Variants in COL23A1 observed in about 807,000 individuals in gnomAD.
COL23A1 encodes the protein collagen alpha-1(XXIII) chain.
Under a neutral mutation model 99.3 loss-of-function variants are expected in COL23A1, and 97 were observed. The ratio of observed to expected loss-of-function variants is 0.98; its 90% CI spans 0.83 to 1.16. The LOEUF (loss-of-function observed/expected upper bound fraction) is 1.16, where lower values mean the gene tolerates loss of function less well. COL23A1 is among the 50% of genes most tolerant of loss of function. The pLI is 0.00. For missense variants in COL23A1, 762 were observed against 757.4 expected (o/e 1.01, Z -0.07); for synonymous variants, 320 against 308.2 (o/e 1.04, Z -0.40).
intron 1 of COL23A1, among the ~76,000 whole-genome samples, chr5:178,586,004 C>T (rs1306708122): frequency 6.6e-6 from 1 of 152,186 alleles, no homozygotes; most frequent in Admixed American, 6.5e-5. Flanking sequence ...AAGAAGACCG[C>T]TCTCTTCCCT....
chr5:178,293,000 G>C (rs1178190763), intron 3 of COL23A1, among the ~76,000 whole-genome samples: 1 of 152,102 alleles, frequency 6.6e-6, no homozygotes, highest in African/African-American at 2.4e-5. Flanking sequence ...CAATGCAGAG[G>C]CATGTCCAGG....
chr5:178,430,043 G>A (rs1412935619), intron 2 of COL23A1, among the ~76,000 whole-genome samples: 1 of 152,174 alleles, frequency 6.6e-6, no homozygotes, highest in Non-Finnish European at 1.5e-5. Context: ...TTCAGCCAGG[G>A]AGGTCAGCCA....
At chr5:178,357,256 A>G (rs1761707860) in intron 2 of COL23A1, among the ~76,000 whole-genome samples, 1 of 152,192 alleles carries the variant, frequency 6.6e-6, no homozygotes, top group South Asian at 2.1e-4. Context: ...GCATCCCCTC[A>G]GATGGTGACC....
At chr5:178,554,146 G>A (rs536317832) in intron 2 of COL23A1, among the ~76,000 whole-genome samples, 4 of 152,130 alleles carry the variant, frequency 2.6e-5, no homozygotes, top group East Asian at 3.9e-4. Flanking sequence ...CCTGGGCCAC[G>A]CTGCCTCTTG....
intron 2 of COL23A1, among the ~76,000 whole-genome samples, chr5:178,455,736 C>T (rs1767749970): frequency 6.6e-6 from 1 of 152,094 alleles, no homozygotes; most frequent in African/African-American, 2.4e-5. Flanking sequence ...CCACCCATCC[C>T]ACCAGGCTCC....
chr5:178,585,904 A>C (rs981754560), intron 1 of COL23A1, among the ~76,000 whole-genome samples: 85 of 152,270 alleles, frequency 5.6e-4, no homozygotes, highest in Admixed American at 5.6e-3. Context: ...GGGGATGGCG[A>C]CCCTGTGACC....
At chr5:178,262,686 G>A (rs1765700828) in intron 9 of COL23A1, among the ~76,000 whole-genome samples, 1 of 152,280 alleles carries the variant, frequency 6.6e-6, no homozygotes, top group Middle Eastern at 3.4e-3. Flanking sequence ...CTATTGGGGA[G>A]CATGAGGGGA....
intron 1 of COL23A1, among the ~76,000 whole-genome samples, chr5:178,576,199 G>C (rs563246540): frequency 8.1e-4 from 124 of 152,308 alleles, no homozygotes; most frequent in African/African-American, 2.8e-3. Flanking sequence ...GGCTGAAAAA[G>C]TCTTGCCCTG....
rs77755786 is a variant in COL23A1, at chr5:178,267,237, G to A, written c.522+70C>T. 1.5e-3 allele frequency: 2,356 copies of A among 1,524,620 alleles called. 41 individuals carry two copies. In the African/African-American group the frequency reaches 0.027, roughly 17 times the overall value. 94.4% of individuals were successfully genotyped at this position (1,524,620 alleles called of 1,614,324 possible). A position where few individuals can be genotyped will look rare whatever the true frequency, so the allele number is the denominator to read the frequency against. The stretch of plus-strand genomic sequence containing the variant: ...CGGGGAGCTGGGACCCAGAAGCAGC[G>A]CCAGTTATGCCTCATTATTACACAA... On this transcript the variant is annotated intron_variant, in intron 8 of 28. Coordinates refer to ENST00000390654, the MANE Select transcript of COL23A1 (RefSeq NM_173465.4).
intron 2 of COL23A1, among the ~76,000 whole-genome samples, chr5:178,511,868 G>A (rs535461511): frequency 6.6e-6 from 1 of 152,286 alleles, no homozygotes; most frequent in Non-Finnish European, 1.5e-5. Flanking sequence ...TAGCATCTCA[G>A]ATACCACCTA....
rs1189403629 is a variant in COL23A1 at position 178,439,856 on chromosome 5, C to T, written c.361+120826G>A. On this transcript the variant is annotated intron_variant, in intron 2 of 28. Coordinates refer to ENST00000390654, the MANE Select transcript of COL23A1 (RefSeq NM_173465.4). This position sits in a 1 kb window ranked among gnomAD's most constrained non-coding sequence, Gnocchi z 4.2. ...AGTGTAGCCAATCAATGGAATACCA[C>T]TACATGCTACAACATGGATGAGCCC... The T allele has an allele frequency of 2.0e-5, 3 of 152,216 alleles. No homozygotes were observed. The highest frequency in any genetic ancestry group is 2.9e-5 in the Non-Finnish European group (2 of 68,052). 9.4% of individuals were successfully genotyped at this position (152,216 alleles called of 1,614,324 possible).
intron 17 of COL23A1, 139 bp from the exon 18 acceptor site, chr5:178,250,244 C>A (rs943462140): frequency 2.4e-6 from 2 of 832,606 alleles, no homozygotes; most frequent in Non-Finnish European, 2.0e-6. Flanking sequence ...CAGGACCCAC[C>A]GCCTCCTCTG....
intron 2 of COL23A1, among the ~76,000 whole-genome samples, chr5:178,500,439 A>C: frequency 6.6e-6 from 1 of 150,750 alleles, no homozygotes; most frequent in Non-Finnish European, 1.5e-5. Flanking sequence ...AAAAAAAAAA[A>C]AAAAAAATGG....
chr5:178,269,637 T>C (rs1353914083), intron 6 of COL23A1, among the ~76,000 whole-genome samples: 3 of 129,254 alleles, frequency 2.3e-5, no homozygotes, highest in Non-Finnish European at 3.2e-5. Flanking sequence ...CATCCACCCA[T>C]CCACTCACCA....
chr5:178,267,368 G>C lies in COL23A1; in HGVS notation c.496-35C>G, dbSNP rs573564076. The C allele has an allele frequency of 3.2e-5, 51 of 1,609,342 alleles. No individual in the cohort carries two copies. The South Asian group carries it at 4.8e-4, about 15-fold the overall frequency. ...AAAGACAGGGAGAGGCATCACCACT[G>C]CTTTCATCGTTTCTTCACATTTCCC... On this transcript the variant is annotated intron_variant, in intron 7 of 28. Transcript: ENST00000390654.
At chr5:178,277,737 C>G (rs1412531036) in intron 5 of COL23A1, among the ~76,000 whole-genome samples, 1 of 152,028 alleles carries the variant, frequency 6.6e-6, no homozygotes, top group Non-Finnish European at 1.5e-5. Context: ...CACATCATGG[C>G]TAGCAGAGGT....
intron 2 of COL23A1, among the ~76,000 whole-genome samples, chr5:178,484,844 G>C (rs868698793): frequency 7.0e-5 from 8 of 114,158 alleles, no homozygotes; most frequent in African/African-American, 2.3e-4. Flanking sequence ...AAAAAAAAAA[G>C]AGCAGTGAGG....
Position 178,310,999 on chromosome 5 carries a change from G to C in COL23A1, c.362-4080C>G, listed in dbSNP as rs1365959745. ...GATAGGACAGGTCTTGCCCACGGAT[G>C]CTGCTGGAAAACTTGTCCCAGCTAG... On this transcript the variant is annotated intron_variant, in intron 2 of 28. Transcript: ENST00000390654. This position sits in a 1 kb window ranked among gnomAD's most constrained non-coding sequence, Gnocchi z 4.3. Among the ~76,000 whole-genome samples the C allele has an allele frequency of 1.3e-5, 2 of 152,164 alleles. No homozygotes were observed. The highest frequency in any genetic ancestry group is 1.3e-4 in the Admixed American group (2 of 15,282).
intron 2 of COL23A1, among the ~76,000 whole-genome samples, chr5:178,379,238 TA>T (rs555145800): frequency 1.3e-5 from 2 of 151,586 alleles, no homozygotes; most frequent in Non-Finnish European, 2.9e-5. Flanking sequence ...AGTGATCAAC[TA>T]AAAAAAACCC....
Sources: gnomAD v4.1 joint callset for allele counts (sites outside exome capture counted in the v4.1 genomes callset) on GRCh38, gnomAD v4.1.1 for gene constraint, Gnocchi (gnomAD v3.1) non-coding constraint, MANE v1.5 for transcripts, NCBI Gene and HGNC (gene_info 2026-07-23, HGNC 2026-07-21) for gene names.